The following PIP5K1A variants were observed in gnomAD, a reference collection of about 807,000 sequenced individuals.
PIP5K1A encodes phosphatidylinositol-4-phosphate 5-kinase type 1 alpha, also known as phosphatidylinositol 4-phosphate 5-kinase type-1 alpha.
A neutral mutation model predicts 72.9 loss-of-function variants in PIP5K1A; 46 were observed. The observed-to-expected ratio is 0.63, with a 90% CI of 0.50 to 0.81. The LOEUF (loss-of-function observed/expected upper bound fraction) is 0.81, where lower values mean the gene tolerates loss of function less well. PIP5K1A is among the 30% of genes least tolerant of loss of function. The probability of loss-of-function intolerance (pLI) is 0.00; values close to 1 mark genes in which losing one functional copy is unlikely to be tolerated. For synonymous variants in PIP5K1A, 228 were observed against 255.1 expected (o/e 0.89, Z 1.01); for missense variants, 458 against 706.1 (o/e 0.65, Z 3.98).
At chr1:151,218,926 C>T (rs937134400) in intron 1 of PIP5K1A, among the ~76,000 whole-genome samples, 1 of 151,168 alleles carries the variant, frequency 6.6e-6, no homozygotes, top group Admixed American at 6.6e-5. Context: ...TTTTGCCTGT[C>T]ACTGCCTATG....
At chr1:151,207,206 C>T (rs2101972295) in intron 1 of PIP5K1A, among the ~76,000 whole-genome samples, 1 of 152,290 alleles carries the variant, frequency 6.6e-6, no homozygotes, top group African/African-American at 2.4e-5. Context: ...GAATTCATTG[C>T]TGTTTCAAGA....
In PIP5K1A at chr1:151,202,828, G is replaced by C. The variant is rs866035380; in HGVS notation, c.85+3747G>C. Among the ~76,000 whole-genome samples the C allele has an allele frequency of 2.0e-5, 3 of 148,632 alleles. No individual in the cohort carries two copies. The East Asian group carries it at 6.0e-4, about 30-fold the overall frequency. ...CTCTCTGTCGCCCAGGCTGGAGTGC[G>C]GTGGAGCAATCTTGGCTCACTGCAG... is the stretch of plus-strand genomic sequence containing the variant. On this transcript the variant is annotated intron_variant, in intron 1 of 15. Transcript: ENST00000368888.
intron 4 of PIP5K1A, 104 bp from the exon 5 acceptor site, chr1:151,231,567 G>A (rs1216739905): frequency 4.1e-6 from 4 of 968,568 alleles, no homozygotes; most frequent in Non-Finnish European, 6.6e-6. Flanking sequence ...CAGACTAAAG[G>A]ATGTTTGTTT....
intron 1 of PIP5K1A, among the ~76,000 whole-genome samples, chr1:151,210,747 G>T (rs1048721590): frequency 1.3e-5 from 2 of 151,854 alleles, no homozygotes; most frequent in Non-Finnish European, 2.9e-5. Context: ...CACCATGCCC[G>T]GCTAATTTTT....
At chr1:151,234,129 T>C in intron 7 of PIP5K1A, 68 bp from the exon 8 acceptor site, 11 of 1,258,510 alleles carry the variant, frequency 8.7e-6, no homozygotes, top group Non-Finnish European at 1.2e-5. Context: ...GTGGTAACTT[T>C]TACTGGTGAG....
chr1:151,231,743 C>G lies in PIP5K1A; in HGVS notation c.310C>G (p.Pro104Ala), dbSNP rs1690107035. 6.2e-7 allele frequency: 1 copy of G among 1,613,602 alleles called. No individual in the cohort carries two copies. Among genetic ancestry groups the G allele is most frequent in the South Asian group, 1.1e-5 (1 of 91,070 alleles). Residue 104 changes from proline (P) to alanine (A), a missense_variant, in exon 5 of 16, where the codon CCA (proline) becomes GCA (alanine). Coordinates refer to ENST00000368888, the MANE Select transcript of PIP5K1A (RefSeq NM_001135638.2). ...THTVGSLSTKPERDVLMQDFY... is the reference protein window; with the variant it reads ...THTVGSLSTKAERDVLMQDFY... Reference sequence around the variant, plus strand: ...CACTGTGGGGAGCCTGAGTACCAAACCAGAGCGTGATGTCCTCATGCAAGA... The same window carrying G: ...CACTGTGGGGAGCCTGAGTACCAAAGCAGAGCGTGATGTCCTCATGCAAGA...
rs189832921 is a variant in PIP5K1A, at chr1:151,223,489, C to T, written c.86-756C>T. Among the ~76,000 whole-genome samples the T allele has an allele frequency of 3.5e-5, 5 of 144,842 alleles. No homozygotes were observed. In the East Asian group the frequency reaches 1.1e-3, roughly 31 times the overall value. On this transcript the variant is annotated intron_variant, in intron 1 of 15. Transcript: ENST00000368888. ...TGAAACCCTGTCTCTACTAAAAATA[C>T]AAAAAATTAGCCAGGCGTGATGGCA...
At chr1:151,229,456 G>A (rs960401391) in intron 4 of PIP5K1A, among the ~76,000 whole-genome samples, 2 of 151,306 alleles carry the variant, frequency 1.3e-5, no homozygotes, top group African/African-American at 4.8e-5. Context: ...CTGCCTTGCG[G>A]GTTCAAGCGA....
At chr1:151,228,325 A>T (rs773480689) in intron 4 of PIP5K1A, among the ~76,000 whole-genome samples, 1 of 151,956 alleles carries the variant, frequency 6.6e-6, no homozygotes, top group African/African-American at 2.4e-5. Flanking sequence ...ATAATAATAA[A>T]TTAGTTTTAT....
chr1:151,246,953 A>T lies in PIP5K1A; in HGVS notation c.1674A>T (p.Ser558=). Residue 558 remains serine, a synonymous_variant, in exon 15 of 16, where the codon TCA becomes TCT. Transcript: ENST00000368888. ...TTLEKLEVAE[S]EFTH ...TGGAAAAGCTTGAAGTTGCAGAGTC[A>T]GAGTTCACCCATGTGAGTATCTGGG... 6.2e-7 allele frequency: 1 copy of T among 1,613,480 alleles called. No individual in the cohort carries two copies. The highest frequency in any genetic ancestry group is 8.5e-7 in the Non-Finnish European group (1 of 1,179,442).
chr1:151,229,349 G>A (rs1425952602), intron 4 of PIP5K1A, among the ~76,000 whole-genome samples: 1 of 150,034 alleles, frequency 6.7e-6, no homozygotes, highest in African/African-American at 2.5e-5. Context: ...CACCACACCT[G>A]GCTTATTTAG....
At chr1:151,198,271 C>T (rs587702231), upstream of PIP5K1A, among the ~76,000 whole-genome samples, 1 of 152,216 alleles carries the variant, frequency 6.6e-6, no homozygotes, top group African/African-American at 2.4e-5. Flanking sequence ...AGAGTTCTTT[C>T]CTGGGTTAGG....
At chr1:151,220,490 C>T (rs1180360983) in intron 1 of PIP5K1A, among the ~76,000 whole-genome samples, 1 of 149,028 alleles carries the variant, frequency 6.7e-6, no homozygotes, top group East Asian at 2.0e-4. Context: ...TTTTTTAAGA[C>T]AGGATTTCAC....
intron 1 of PIP5K1A, among the ~76,000 whole-genome samples, chr1:151,207,837 A>C (rs899632787): frequency 1.3e-5 from 2 of 149,988 alleles, no homozygotes; most frequent in Admixed American, 6.7e-5. Context: ...CTGGCCATCA[A>C]GATTAATCTT....
chr1:151,215,364 A>G (rs934862069), intron 1 of PIP5K1A, among the ~76,000 whole-genome samples: 1 of 134,132 alleles, frequency 7.5e-6, no homozygotes, highest in Non-Finnish European at 1.6e-5. Flanking sequence ...AAGGAGTCTC[A>G]TTGTGTCATC....
intron 4 of PIP5K1A, among the ~76,000 whole-genome samples, chr1:151,230,863 C>CA (rs1305031695): frequency 6.6e-6 from 1 of 152,244 alleles, no homozygotes; most frequent in African/African-American, 2.4e-5. Context: ...GGCCTTGAGA[C>CA]ACACTAGTCA....
At chr1:151,208,836 C>T (rs1266301132) in intron 1 of PIP5K1A, among the ~76,000 whole-genome samples, 2 of 143,276 alleles carry the variant, frequency 1.4e-5, no homozygotes, top group Non-Finnish European at 3.0e-5. Context: ...GGGTTCACGC[C>T]ATTCTCTTGC....
chr1:151,239,917 G>A (rs754057942), intron 11 of PIP5K1A, 38 bp from the exon 12 acceptor site: 10 of 1,153,942 alleles, frequency 8.7e-6, no homozygotes, highest in Middle Eastern at 2.0e-4. Context: ...TCCTCTTGCC[G>A]GGCCTCCTAA....
intron 7 of PIP5K1A, 29 bp downstream of exon 7, chr1:151,232,732 G>A (rs762298013): frequency 6.2e-7 from 1 of 1,603,126 alleles, no homozygotes; most frequent in Non-Finnish European, 8.5e-7. Context: ...CTGTCCACCT[G>A]TGCTGCTCAC....
Sources: allele counts gnomAD v4.1 joint callset (sites outside exome capture counted in the v4.1 genomes callset), GRCh38; gene constraint gnomAD v4.1.1; transcripts MANE v1.5; gene names NCBI Gene and HGNC (gene_info 2026-07-23, HGNC 2026-07-21).